Variants in SLC30A10 observed in about 807,000 individuals in gnomAD.
SLC30A10 encodes solute carrier family 30 member 10.
Under a neutral mutation model 21.7 loss-of-function variants are expected in SLC30A10, and 8 were observed. That is an observed-to-expected ratio of 0.37 (90% CI 0.22 to 0.67). The LOEUF (loss-of-function observed/expected upper bound fraction) is 0.67, where lower values mean the gene tolerates loss of function less well. Ranked by LOEUF, SLC30A10 falls within the 30% of genes least tolerant of loss-of-function variation. The pLI, the probability that SLC30A10 is intolerant of heterozygous loss-of-function variation, is 0.58. For missense variants in SLC30A10, 521 were observed against 642.5 expected, an observed-to-expected ratio of 0.81 and a Z score of 2.04; for synonymous variants, 272 against 279.4, an observed-to-expected ratio of 0.97 and a Z score of 0.26.
At chr1:219,919,445 C>T (rs1659623219) in intron 2 of SLC30A10, among the ~76,000 whole-genome samples, 1 of 152,124 alleles carries the variant, frequency 6.6e-6, no homozygotes, top group Admixed American at 6.6e-5. Flanking sequence ...CAGGACCCAC[C>T]TCAGATCTGT....
At chr1:219,933,890 C>G (rs573560577) in intron 1 of SLC30A10, among the ~76,000 whole-genome samples, 3 of 152,116 alleles carry the variant, frequency 2.0e-5, no homozygotes, top group African/African-American at 7.2e-5. Context: ...AGTGACTCAA[C>G]GCCTGTAATC....
rs1231089089 is a variant in SLC30A10, at chr1:219,915,904, C to T, written c.1003G>A (p.Val335Met). The change falls in exon 4 of 4, where the codon GTG (valine) becomes ATG (methionine). Residue 335 changes from valine (V) to methionine (M), a missense_variant. Coordinates refer to ENST00000366926, the MANE Select transcript of SLC30A10 (RefSeq NM_018713.3). ...AVPGISSVHE[V>M]HIWELVSGKI... Reference sequence around the variant, plus strand: ...CCACTTACAAGTTCCCAGATGTGCACTTCATGTACACTGCTAATTCCAGGC... The same window carrying T: ...CCACTTACAAGTTCCCAGATGTGCATTTCATGTACACTGCTAATTCCAGGC... 1.9e-6 allele frequency: 3 copies of T among 1,614,180 alleles called. No homozygotes were observed. In the South Asian group the frequency reaches 3.3e-5, roughly 18 times the overall value.
At chr1:219,939,466 C>T (rs544840337) in intron 1 of SLC30A10, among the ~76,000 whole-genome samples, 76 of 152,004 alleles carry the variant, frequency 5.0e-4, no homozygotes, top group South Asian at 4.0e-3. Context: ...CTCACTCTGT[C>T]GCCCAGGCTG....
At chr1:219,941,455 A>T (rs1172193405) in intron 1 of SLC30A10, among the ~76,000 whole-genome samples, 1 of 152,010 alleles carries the variant, frequency 6.6e-6, no homozygotes, top group Non-Finnish European at 1.5e-5. Flanking sequence ...AGGGGCTTCA[A>T]GTGGAAATGG....
chr1:219,952,357 G>C (rs1660282559), intron 1 of SLC30A10, among the ~76,000 whole-genome samples: 1 of 152,184 alleles, frequency 6.6e-6, no homozygotes, highest in South Asian at 2.1e-4. Context: ...TGACTTTTTG[G>C]AGGTCATCTA....
chr1:219,933,878 G>A (rs1374345858), intron 1 of SLC30A10, among the ~76,000 whole-genome samples: 4 of 150,292 alleles, frequency 2.7e-5, no homozygotes, highest in African/African-American at 1.0e-4. Flanking sequence ...TAGGCCAGGC[G>A]CAGTGACTCA....
At chr1:219,922,172 G>C (rs1435106483) in intron 2 of SLC30A10, among the ~76,000 whole-genome samples, 1 of 46,082 alleles carries the variant, frequency 2.2e-5, no homozygotes, top group Non-Finnish European at 3.6e-5. Flanking sequence ...GTGTGTGTGT[G>C]TGTGTTTTTT....
chr1:219,935,949 G>T (rs934138786), intron 1 of SLC30A10, among the ~76,000 whole-genome samples: 21 of 152,192 alleles, frequency 1.4e-4, no homozygotes, highest in African/African-American at 5.1e-4. Context: ...AAAATCTTTT[G>T]TAAATCTAAA....
intron 2 of SLC30A10, among the ~76,000 whole-genome samples, chr1:219,924,384 T>C (rs116166624): frequency 0.024 from 3,643 of 152,230 alleles, 127 homozygotes; most frequent in African/African-American, 0.079. Context: ...CTGGGGTGAC[T>C]TGGGGAAGTC....
intron 1 of SLC30A10, among the ~76,000 whole-genome samples, chr1:219,945,683 T>C (rs1660177735): frequency 6.6e-6 from 1 of 152,188 alleles, no homozygotes; most frequent in Non-Finnish European, 1.5e-5. Context: ...AGAGATAATG[T>C]TTGAAAAATC....
At chr1:219,922,367 C>CA (rs1341189143) in intron 2 of SLC30A10, among the ~76,000 whole-genome samples, 20 of 151,678 alleles carry the variant, frequency 1.3e-4, no homozygotes, top group Non-Finnish European at 2.9e-4. Flanking sequence ...GGAAAAGAGT[C>CA]TCCTGTGATG....
chr1:219,955,995 C>T (rs7539937), intron 1 of SLC30A10, among the ~76,000 whole-genome samples: 70,323 of 151,778 alleles, frequency 0.46, 16,359 homozygotes, highest in South Asian at 0.53. Context: ...CAATTTATGA[C>T]GTTCGTCTGA....
In SLC30A10 at chr1:219,911,444, A is replaced by G. The variant is rs928208879; in HGVS notation, c.*4005T>C. Among the ~76,000 whole-genome samples, 2 of 151,990 alleles carry G rather than the reference A, an allele frequency of 1.3e-5. No homozygotes were observed. The highest frequency in any genetic ancestry group is 4.8e-5 in the African/African-American group (2 of 41,404). The stretch of plus-strand genomic sequence containing the variant: ...TTAAACATCTCAACCCCATGAATCA[A>G]TTGTGCTGATAACTATCCAGTCTCA... On this transcript the variant is annotated 3_prime_UTR_variant, in exon 4 of 4. Transcript: ENST00000366926.
At chr1:219,949,333 A>G (rs1355843871) in intron 1 of SLC30A10, among the ~76,000 whole-genome samples, 1 of 152,016 alleles carries the variant, frequency 6.6e-6, no homozygotes, top group Non-Finnish European at 1.5e-5. Flanking sequence ...CACTATTCAC[A>G]ATAGCAAAGA....
intron 2 of SLC30A10, among the ~76,000 whole-genome samples, chr1:219,925,660 T>A (rs1304610660): frequency 2.0e-3 from 215 of 107,390 alleles, no homozygotes; most frequent in Non-Finnish European, 2.9e-3. Context: ...TATTTTTTTT[T>A]TTTTTTTTTT....
chr1:219,920,312 A>G (rs1659647992), intron 2 of SLC30A10, among the ~76,000 whole-genome samples: 1 of 152,184 alleles, frequency 6.6e-6, no homozygotes, highest in African/African-American at 2.4e-5. Context: ...TTCCTCTACA[A>G]GGAGCTAAGA....
In SLC30A10 at chr1:219,912,662, G is replaced by A. The variant is rs1659441092; in HGVS notation, c.*2787C>T. ...ATCCTGGCTAACATGGTGAAACCCG[G>A]TCTCTACTAAAAATACAAAAAATTA... On this transcript the variant is annotated 3_prime_UTR_variant, in exon 4 of 4. Transcript: ENST00000366926. Among the ~76,000 whole-genome samples, 2 of 152,050 alleles carry A rather than the reference G, an allele frequency of 1.3e-5. No individual in the cohort carries two copies. Among genetic ancestry groups the A allele is most frequent in the African/African-American group, 4.8e-5 (2 of 41,412 alleles).
Position 219,928,504 on chromosome 1 carries a change from A to ACCCCGCGCG in SLC30A10, c.-65_-64insCGCGCGGGG. 5 of 1,382,234 alleles carry ACCCCGCGCG rather than the reference A, an allele frequency of 3.6e-6. No individual in the cohort carries two copies. The highest frequency in any genetic ancestry group is 4.7e-6 in the Non-Finnish European group (5 of 1,059,938). The allele number at this position is 1,382,234 out of a possible 1,614,324, so 85.6% of individuals were successfully genotyped here. A position where few individuals can be genotyped will look rare whatever the true frequency, so the allele number is the denominator to read the frequency against. On this transcript the variant is annotated 5_prime_UTR_variant, in exon 1 of 4. Coordinates refer to ENST00000366926, the MANE Select transcript of SLC30A10 (RefSeq NM_018713.3). The surrounding 1 kb of genome is among the most constrained non-coding windows in gnomAD (Gnocchi z 6.3). ...AGCGCAGCCCACCCCGCGCGCAGCC[A>ACCCCGCGCG]CAGGTGGGGGGCGCGGCGCGGATCC...
At chr1:219,926,478 G>A (rs1400742667) in intron 2 of SLC30A10, among the ~76,000 whole-genome samples, 1 of 152,106 alleles carries the variant, frequency 6.6e-6, no homozygotes, top group African/African-American at 2.4e-5. Flanking sequence ...CAGTGCTTCC[G>A]ACCTTGACCA....
Sources: allele counts gnomAD v4.1 joint callset (sites outside exome capture counted in the v4.1 genomes callset), GRCh38; gene constraint gnomAD v4.1.1; non-coding constraint Gnocchi (gnomAD v3.1); transcripts MANE v1.5; gene names NCBI Gene and HGNC (gene_info 2026-07-23, HGNC 2026-07-21).